GPC5: variants seen among roughly 807,000 people sequenced by gnomAD.
GPC5 encodes the protein glypican 5.
A neutral mutation model predicts 53.9 loss-of-function variants in GPC5; 47 were observed. That is an observed-to-expected ratio of 0.87 (90% CI 0.69 to 1.11). The LOEUF (loss-of-function observed/expected upper bound fraction) is 1.11. GPC5 is among the 50% of genes most tolerant of loss of function. GPC5 has a pLI of 0.00. For missense variants in GPC5, 748 were observed against 713.1 expected (o/e 1.05, Z -0.56); for synonymous variants, 286 against 263.3 (o/e 1.09, Z -0.84).
At chr13:91,592,189 T>C (rs1459779141) in intron 2 of GPC5, among the ~76,000 whole-genome samples, 1 of 152,120 alleles carries the variant, frequency 6.6e-6, no homozygotes, top group Non-Finnish European at 1.5e-5. Context: ...CTTCACAGGG[T>C]GAGTATATTA....
intron 5 of GPC5, among the ~76,000 whole-genome samples, chr13:91,862,510 A>G (rs1325087429): frequency 1.3e-5 from 2 of 152,230 alleles, no homozygotes; most frequent in East Asian, 1.9e-4. Flanking sequence ...AATGCCCACA[A>G]CGAAGAATTA....
intron 6 of GPC5, among the ~76,000 whole-genome samples, chr13:91,969,861 A>G (rs572086913): frequency 3.4e-4 from 52 of 152,324 alleles, no homozygotes; most frequent in African/African-American, 1.2e-3. Flanking sequence ...AAACAAAAAA[A>G]GGATTACAAG....
At chr13:92,379,209 C>T (rs549453488) in intron 7 of GPC5, among the ~76,000 whole-genome samples, 29 of 152,254 alleles carry the variant, frequency 1.9e-4, no homozygotes, top group African/African-American at 6.3e-4. Flanking sequence ...TTGATGTATG[C>T]GAGGCAGAGA....
chr13:92,320,218 G>C, intron 7 of GPC5, among the ~76,000 whole-genome samples: 1 of 152,068 alleles, frequency 6.6e-6, no homozygotes, highest in Non-Finnish European at 1.5e-5. Flanking sequence ...AGGCATGTTA[G>C]CATAATGAAC....
intron 7 of GPC5, among the ~76,000 whole-genome samples, chr13:92,663,595 CT>C: frequency 1.3e-5 from 1 of 74,214 alleles, no homozygotes; most frequent in Non-Finnish European, 3.6e-5. Flanking sequence ...ATATATATAT[CT>C]ACTATATATA....
chr13:92,312,070 G>T (rs2043148601), intron 7 of GPC5, among the ~76,000 whole-genome samples: 1 of 152,100 alleles, frequency 6.6e-6, no homozygotes, highest in Admixed American at 6.6e-5. Flanking sequence ...CACTTAAAGG[G>T]TTTTGATCTT....
intron 7 of GPC5, among the ~76,000 whole-genome samples, chr13:92,816,864 T>C (rs1185098584): frequency 2.6e-5 from 4 of 151,974 alleles, no homozygotes; most frequent in Non-Finnish European, 4.4e-5. Flanking sequence ...GTAAACTCCA[T>C]GTCCAGTTTC....
intron 2 of GPC5, among the ~76,000 whole-genome samples, chr13:91,500,466 A>C (rs890574384): frequency 5.3e-5 from 8 of 152,150 alleles, no homozygotes; most frequent in Non-Finnish European, 1.0e-4. Context: ...TTCCCATGCA[A>C]GGAAAAATAT....
At chr13:92,789,477 GTTTA>G (rs1380080231) in intron 7 of GPC5, among the ~76,000 whole-genome samples, 2 of 152,092 alleles carry the variant, frequency 1.3e-5, no homozygotes, top group Non-Finnish European at 2.9e-5. Context: ...GGTAGGAATG[GTTTA>G]TTTATTTAAC....
chr13:92,793,699 G>T (rs573593859), intron 7 of GPC5, among the ~76,000 whole-genome samples: 29 of 152,080 alleles, frequency 1.9e-4, no homozygotes, highest in African/African-American at 6.3e-4. Context: ...TGATAAAGGG[G>T]ATATCACCAC....
chr13:92,649,328 C>T (rs1211680171), intron 7 of GPC5, among the ~76,000 whole-genome samples: 1 of 151,996 alleles, frequency 6.6e-6, no homozygotes, highest in African/African-American at 2.4e-5. Flanking sequence ...TTGATTCTTG[C>T]CAATAATAAA....
At chr13:91,883,362 A>G (rs563437913) in intron 5 of GPC5, among the ~76,000 whole-genome samples, 1 of 152,352 alleles carries the variant, frequency 6.6e-6, no homozygotes, top group Admixed American at 6.5e-5. Context: ...AGTCACAAGC[A>G]TGTCCAGATT....
chr13:92,682,402 TG>T (rs1887138908), intron 7 of GPC5, among the ~76,000 whole-genome samples: 1 of 152,170 alleles, frequency 6.6e-6, no homozygotes, highest in South Asian at 2.1e-4. Flanking sequence ...TCTTCATAAG[TG>T]GTTATGAAAA....
chr13:92,749,417 T>A (rs1889322632), intron 7 of GPC5, among the ~76,000 whole-genome samples: 1 of 152,140 alleles, frequency 6.6e-6, no homozygotes, highest in African/African-American at 2.4e-5. Context: ...TTTGTGATTA[T>A]GAGAAAATAG....
At chr13:92,257,937 T>C (rs2042739348) in intron 7 of GPC5, among the ~76,000 whole-genome samples, 1 of 152,162 alleles carries the variant, frequency 6.6e-6, no homozygotes, top group South Asian at 2.1e-4. Context: ...AACCAAATTA[T>C]TCAGAAGTAA....
chr13:92,480,007 C>T (rs1351876430), intron 7 of GPC5, among the ~76,000 whole-genome samples: 1 of 152,040 alleles, frequency 6.6e-6, no homozygotes, highest in African/African-American at 2.4e-5. Flanking sequence ...ACAAAGTGGG[C>T]CAGGCATGCT....
chr13:92,505,114 TAA>T (rs1213829538), intron 7 of GPC5, among the ~76,000 whole-genome samples: 1 of 151,848 alleles, frequency 6.6e-6, no homozygotes, highest in Non-Finnish European at 1.5e-5. Context: ...TTTGAGAAGT[TAA>T]AGTTACTGTT....
chr13:92,527,514 T>C (rs1423027984), intron 7 of GPC5, among the ~76,000 whole-genome samples: 1 of 152,026 alleles, frequency 6.6e-6, no homozygotes, highest in African/African-American at 2.4e-5. Flanking sequence ...AGGTCACCGG[T>C]GAGCTTGAGA....
At chr13:91,850,168 C>A (rs745964035) in intron 5 of GPC5, among the ~76,000 whole-genome samples, 2 of 152,104 alleles carry the variant, frequency 1.3e-5, no homozygotes, top group Non-Finnish European at 2.9e-5. Flanking sequence ...CAATGCTTAA[C>A]CTTTGATAAC....
Sources: gnomAD v4.1 joint callset for allele counts (sites outside exome capture counted in the v4.1 genomes callset) on GRCh38, gnomAD v4.1.1 for gene constraint, MANE v1.5 for transcripts, NCBI Gene and HGNC (gene_info 2026-07-23, HGNC 2026-07-21) for gene names.